The following ABCC1 variants were observed in gnomAD, a reference collection of about 807,000 sequenced individuals.
ABCC1 encodes ATP binding cassette subfamily C member 1 (ABCC1 blood group).
Under a neutral mutation model 172.9 loss-of-function variants are expected in ABCC1, and 83 were observed. The ratio of observed to expected loss-of-function variants is 0.48; its 90% CI spans 0.40 to 0.58. The LOEUF (loss-of-function observed/expected upper bound fraction) is 0.58, where lower values mean the gene tolerates loss of function less well. Ranked by LOEUF, ABCC1 falls within the 20% of genes least tolerant of loss-of-function variation. The pLI, the probability that ABCC1 is intolerant of heterozygous loss-of-function variation, is 0.00. For missense variants in ABCC1, 1,817 were observed against 2,002.7 expected (o/e 0.91, Z 1.77); for synonymous variants, 937 against 825.2 (o/e 1.14, Z -2.32).
At chr16:16,037,974 G>A (rs1283335465) in intron 7 of ABCC1, among the ~76,000 whole-genome samples, 1 of 152,194 alleles carries the variant, frequency 6.6e-6, no homozygotes, top group Non-Finnish European at 1.5e-5. Context: ...CCATGACCCA[G>A]TTGAAGGTTT....
In ABCC1 at chr16:16,136,631, G is replaced by A. The variant is rs1311484594; in HGVS notation, c.4279G>A (p.Gly1427Arg). 1.9e-6 allele frequency: 3 copies of A among 1,614,054 alleles called. No individual in the cohort carries two copies. The highest frequency in any genetic ancestry group is 1.7e-5 in the Admixed American group (1 of 60,006). ...DKLDHECAEG[G>R]ENLSVGQRQL... The stretch of plus-strand genomic sequence containing the variant: ...GCTAGACCATGAATGTGCAGAAGGC[G>A]GGGAGAACCTCAGGTAGGCGGGGGT... The change falls in exon 29 of 31, where the codon GGG becomes AGG. Residue 1427 changes from glycine (G) to arginine (R), a missense_variant. Physicochemically the swap from Gly to Arg is moderately radical, Grantham distance 125. This residue lies in a region of ABCC1 where 1,412 missense variants were observed against 1,600.3 expected (regional missense o/e 0.88). Transcript: ENST00000399410.
In ABCC1 at chr16:16,141,535, A is replaced by C. The variant is rs2046126319; in HGVS notation, c.*254A>C. On this transcript the variant is annotated 3_prime_UTR_variant, in exon 31 of 31. Transcript: ENST00000399410. ...CACACCCTGCCCCTGGTGCCCTGAGACAGACACACAGCCTCACGCCCCCAG... is the reference window on the plus strand; with the variant it reads ...CACACCCTGCCCCTGGTGCCCTGAGCCAGACACACAGCCTCACGCCCCCAG... The C allele has an allele frequency of 2.0e-6, 1 of 488,412 alleles. No individual in the cohort carries two copies. Among genetic ancestry groups the C allele is most frequent in the Non-Finnish European group, 3.7e-6 (1 of 272,892 alleles). 30.3% of individuals were successfully genotyped at this position (488,412 alleles called of 1,614,324 possible). A position where few individuals can be genotyped will look rare whatever the true frequency, so the allele number is the denominator to read the frequency against.
chr16:15,966,100 G>A (rs1567276964), intron 1 of ABCC1, among the ~76,000 whole-genome samples: 1 of 152,004 alleles, frequency 6.6e-6, no homozygotes, highest in South Asian at 2.1e-4. Flanking sequence ...TTATTATTCA[G>A]AGTGGACGAT....
At chr16:15,953,536 G>A (rs2045923372) in intron 1 of ABCC1, among the ~76,000 whole-genome samples, 1 of 152,190 alleles carries the variant, frequency 6.6e-6, no homozygotes. Flanking sequence ...GTGACTTGAG[G>A]AATAAGTGAG....
intron 19 of ABCC1, among the ~76,000 whole-genome samples, chr16:16,096,472 A>G (rs2152039187): frequency 6.6e-6 from 1 of 152,288 alleles, no homozygotes; most frequent in Admixed American, 6.5e-5. Context: ...TTGTCAGCAC[A>G]GAGCAGCTGC....
intron 5 of ABCC1, among the ~76,000 whole-genome samples, chr16:16,022,362 G>A (rs533495657): frequency 5.3e-5 from 8 of 152,270 alleles, no homozygotes; most frequent in African/African-American, 1.9e-4. Flanking sequence ...GGGCAGGGCT[G>A]ACCAAGACTG....
chr16:16,044,902 G>A (rs570429881), intron 8 of ABCC1, among the ~76,000 whole-genome samples: 10 of 152,150 alleles, frequency 6.6e-5, no homozygotes, highest in African/African-American at 7.2e-5. Flanking sequence ...CTCCTGCCTC[G>A]GCCTCCCAAA....
At chr16:15,982,913 A>G (rs946721700) in intron 1 of ABCC1, among the ~76,000 whole-genome samples, 2 of 151,546 alleles carry the variant, frequency 1.3e-5, no homozygotes, top group Admixed American at 6.6e-5. Flanking sequence ...CTTATGACCT[A>G]TACAAATGGC....
chr16:16,104,685 G>A (rs1356391076), intron 20 of ABCC1, among the ~76,000 whole-genome samples: 1 of 152,212 alleles, frequency 6.6e-6, no homozygotes, highest in Non-Finnish European at 1.5e-5. Context: ...TCAGCCCTTG[G>A]GCGGTGGAAG....
chr16:15,978,076 A>G (rs1005075842), intron 1 of ABCC1, among the ~76,000 whole-genome samples: 1 of 152,154 alleles, frequency 6.6e-6, no homozygotes, highest in African/African-American at 2.4e-5. Context: ...GTCTCTGATG[A>G]AAAGCAGGTA....
At chr16:16,046,067 AG>A in intron 9 of ABCC1, 54 bp downstream of exon 9, 2 of 1,584,634 alleles carry the variant, frequency 1.3e-6, no homozygotes, top group Non-Finnish European at 1.7e-6. Flanking sequence ...CCCCTCCTGC[AG>A]CCCTGGGTTA....
intron 1 of ABCC1, among the ~76,000 whole-genome samples, chr16:15,973,350 G>A (rs944834551): frequency 6.6e-6 from 1 of 152,128 alleles, no homozygotes; most frequent in Non-Finnish European, 1.5e-5. Context: ...ATTTTTGGCT[G>A]TCACGATGGG....
Position 16,141,282 on chromosome 16 carries a change from G to T in ABCC1, c.*1G>T. 2 of 1,613,844 alleles carry T rather than the reference G, an allele frequency of 1.2e-6. No individual in the cohort carries two copies. Among genetic ancestry groups the T allele is most frequent in the East Asian group, 4.5e-5 (2 of 44,880 alleles). On this transcript the variant is annotated 3_prime_UTR_variant, in exon 31 of 31. Coordinates refer to ENST00000399410, the MANE Select transcript of ABCC1 (RefSeq NM_004996.4). ...GGCCAAAGACGCCGGCTTGGTGTGA[G>T]CCCCAGAGCTGGCATATCTGGTCAG...
intron 12 of ABCC1, among the ~76,000 whole-genome samples, chr16:16,061,320 G>A (rs1032089124): frequency 2.0e-5 from 3 of 152,224 alleles, no homozygotes; most frequent in East Asian, 1.9e-4. Flanking sequence ...GACTTCGCAC[G>A]TGGCCACCTC....
intron 19 of ABCC1, among the ~76,000 whole-genome samples, chr16:16,102,085 C>G (rs1355157426): frequency 6.6e-6 from 1 of 152,110 alleles, no homozygotes; most frequent in African/African-American, 2.4e-5. Flanking sequence ...TACCTTTTAC[C>G]CTGAACTCTT....
Position 16,122,154 on chromosome 16 carries a change from C to T in ABCC1, c.3570C>T (p.Tyr1190=), listed in dbSNP as rs1020326538. The T allele has an allele frequency of 7.4e-6, 12 of 1,614,192 alleles. No homozygotes were observed. Among genetic ancestry groups the T allele is most frequent in the Middle Eastern group, 3.3e-4 (2 of 6,062 alleles). The change falls in exon 24 of 31, where the codon TAC becomes TAT. Residue 1190 remains tyrosine (Y), a synonymous_variant. Transcript: ENST00000399410. ...LKVDENQKAY[Y]PSIVANRWLA... ...TGGACGAGAACCAGAAGGCCTATTACCCCAGCATCGTGGCCAACAGGTGGG... is the reference window on the plus strand; with the variant it reads ...TGGACGAGAACCAGAAGGCCTATTATCCCAGCATCGTGGCCAACAGGTGGG...
intron 19 of ABCC1, among the ~76,000 whole-genome samples, chr16:16,093,366 A>G (rs1301306984): frequency 2.6e-5 from 4 of 152,008 alleles, no homozygotes; most frequent in African/African-American, 7.2e-5. Flanking sequence ...TCTTGGCCCC[A>G]GATAGGTTCC....
At chr16:16,077,482 A>G (rs1158916191) in intron 15 of ABCC1, among the ~76,000 whole-genome samples, 1 of 151,810 alleles carries the variant, frequency 6.6e-6, no homozygotes, top group African/African-American at 2.4e-5. Flanking sequence ...ATGAGCCCCC[A>G]GAACCTTTCT....
chr16:16,083,662 G>C, intron 17 of ABCC1, 120 bp downstream of exon 17: 1 of 1,342,206 alleles, frequency 7.5e-7, no homozygotes, highest in Non-Finnish European at 1.0e-6. Flanking sequence ...GGGCTCAGCT[G>C]GGCGGCTCTG....
Sources: allele counts gnomAD v4.1 joint callset (sites outside exome capture counted in the v4.1 genomes callset), GRCh38; gene constraint gnomAD v4.1.1; regional missense constraint gnomAD v4.1.1; transcripts MANE v1.5; gene names NCBI Gene and HGNC (gene_info 2026-07-23, HGNC 2026-07-21).